The following ALK variants were observed in gnomAD, a reference collection of about 807,000 sequenced individuals.
The protein encoded by ALK is ALK receptor tyrosine kinase, also known as ALK tyrosine kinase receptor.
ALK carries 74 observed loss-of-function variants against 163.1 expected under a neutral mutation model. The observed-to-expected ratio is 0.45, with a 90% CI of 0.38 to 0.55. The LOEUF is 0.55. Ranked by LOEUF, ALK falls within the 20% of genes least tolerant of loss-of-function variation. The probability of loss-of-function intolerance (pLI) is 0.00; values close to 1 mark genes in which losing one functional copy is unlikely to be tolerated. For missense variants in ALK, 2,063 were observed against 2,105.3 expected (o/e 0.98, Z 0.39); for synonymous variants, 960 against 843.2 (o/e 1.14, Z -2.40).
At chr2:29,903,614 G>A (rs1356107677) in intron 1 of ALK, among the ~76,000 whole-genome samples, 1 of 152,138 alleles carries the variant, frequency 6.6e-6, no homozygotes, top group Non-Finnish European at 1.5e-5. Context: ...TGGCTATAAT[G>A]ATTGGAACAG....
At chr2:29,362,175 G>A (rs1446478329) in intron 5 of ALK, among the ~76,000 whole-genome samples, 1 of 152,192 alleles carries the variant, frequency 6.6e-6, no homozygotes, top group Non-Finnish European at 1.5e-5. Context: ...GGGGAAAGAA[G>A]GAGTTACTGG....
At chr2:29,823,864 A>G (rs1039502743) in intron 1 of ALK, among the ~76,000 whole-genome samples, 2 of 152,234 alleles carry the variant, frequency 1.3e-5, no homozygotes, top group Non-Finnish European at 2.9e-5. Flanking sequence ...AGAAATTTGC[A>G]TAAGTAATAA....
intron 3 of ALK, 92 bp from the exon 4 acceptor site, chr2:29,532,208 A>C: frequency 8.3e-7 from 1 of 1,198,682 alleles, no homozygotes; most frequent in Non-Finnish European, 1.2e-6. Context: ...ATGGCATCAA[A>C]ATCAGAGATA....
At chr2:29,832,510 A>C (rs1379192974) in intron 1 of ALK, among the ~76,000 whole-genome samples, 2 of 152,248 alleles carry the variant, frequency 1.3e-5, no homozygotes, top group African/African-American at 2.4e-5. Flanking sequence ...GTGTGTGTGC[A>C]CACTAGGGCT....
intron 2 of ALK, among the ~76,000 whole-genome samples, chr2:29,713,896 C>G (rs1187467757): frequency 6.6e-6 from 1 of 151,620 alleles, no homozygotes; most frequent in Admixed American, 6.6e-5. Flanking sequence ...TGGGCAGAAC[C>G]TTTCATCGTC....
At chr2:29,477,709 G>GAT (rs557295304) in intron 4 of ALK, among the ~76,000 whole-genome samples, 1 of 152,176 alleles carries the variant, frequency 6.6e-6, no homozygotes, top group Non-Finnish European at 1.5e-5. Context: ...CAGGCAGAGG[G>GAT]ATGGAGAGGG....
intron 1 of ALK, among the ~76,000 whole-genome samples, chr2:29,823,232 C>T (rs529206494): frequency 6.6e-6 from 1 of 152,284 alleles, no homozygotes; most frequent in Non-Finnish European, 1.5e-5. Context: ...GCCTCCCCAG[C>T]CACGTGGAAC....
At chr2:29,475,458 C>G (rs1446847570) in intron 4 of ALK, among the ~76,000 whole-genome samples, 2 of 152,172 alleles carry the variant, frequency 1.3e-5, no homozygotes, top group Non-Finnish European at 2.9e-5. Context: ...TTCCCAGAAT[C>G]CCTCCCTCCA....
At chr2:29,348,986 T>G (rs1008747095) in intron 5 of ALK, among the ~76,000 whole-genome samples, 24 of 152,228 alleles carry the variant, frequency 1.6e-4, no homozygotes, top group African/African-American at 5.8e-4. Context: ...TAAGACTCAG[T>G]TTCTCGAATG....
intron 20 of ALK, 107 bp from the exon 21 acceptor site, chr2:29,222,714 G>GCC: frequency 1.1e-6 from 1 of 933,820 alleles, no homozygotes; most frequent in Non-Finnish European, 1.7e-6. Flanking sequence ...AACACGAGAG[G>GCC]CGGGGGTAAC....
At chr2:29,581,614 G>T (rs116766303) in intron 3 of ALK, among the ~76,000 whole-genome samples, 53 of 152,204 alleles carry the variant, frequency 3.5e-4, no homozygotes, top group African/African-American at 1.2e-3. Context: ...TGGCCTGGGC[G>T]CCTTGAGGCC....
At chr2:29,779,173 C>T (rs1681263503) in intron 1 of ALK, among the ~76,000 whole-genome samples, 1 of 151,124 alleles carries the variant, frequency 6.6e-6, no homozygotes, top group African/African-American at 2.4e-5. Flanking sequence ...AACAAAAAAA[C>T]AAAAAAAAGA....
At chr2:29,476,951 C>A (rs541689536) in intron 4 of ALK, among the ~76,000 whole-genome samples, 2 of 152,280 alleles carry the variant, frequency 1.3e-5, no homozygotes, top group Admixed American at 1.3e-4. Flanking sequence ...AGGAGATCAC[C>A]ATGCACCTCG....
At chr2:29,902,603 T>G (rs1252119741) in intron 1 of ALK, among the ~76,000 whole-genome samples, 1 of 152,196 alleles carries the variant, frequency 6.6e-6, no homozygotes, top group Non-Finnish European at 1.5e-5. Context: ...CAACTGTACT[T>G]ACCGACATAA....
chr2:29,918,955 G>C (rs1239287432), intron 1 of ALK, among the ~76,000 whole-genome samples: 1 of 152,116 alleles, frequency 6.6e-6, no homozygotes, highest in African/African-American at 2.4e-5. Flanking sequence ...TTATTCACAA[G>C]TCTTCCCCAG....
At chr2:29,903,921 T>C (rs1460744625) in intron 1 of ALK, among the ~76,000 whole-genome samples, 1 of 152,192 alleles carries the variant, frequency 6.6e-6, no homozygotes. Context: ...GTTAGAATCA[T>C]AGGATTTTAA....
intron 4 of ALK, among the ~76,000 whole-genome samples, chr2:29,443,909 T>C (rs1670606581): frequency 6.6e-6 from 1 of 152,166 alleles, no homozygotes; most frequent in African/African-American, 2.4e-5. Flanking sequence ...ACCTAGGATG[T>C]TTCTTCTGAA....
At chr2:29,553,732 C>G (rs982920184) in intron 3 of ALK, among the ~76,000 whole-genome samples, 10 of 152,164 alleles carry the variant, frequency 6.6e-5, no homozygotes, top group African/African-American at 2.4e-4. Flanking sequence ...CACGGCAGTA[C>G]CTGTTTCATT....
At chr2:29,766,077 T>A (rs1680853680) in intron 1 of ALK, among the ~76,000 whole-genome samples, 1 of 152,256 alleles carries the variant, frequency 6.6e-6, no homozygotes, top group Non-Finnish European at 1.5e-5. Context: ...AATATAATTT[T>A]AATTAGCTGT....
Sources: allele counts gnomAD v4.1 joint callset (sites outside exome capture counted in the v4.1 genomes callset), GRCh38; gene constraint gnomAD v4.1.1; transcripts MANE v1.5; gene names NCBI Gene and HGNC (gene_info 2026-07-23, HGNC 2026-07-21).